Variants in SEMA6D observed in about 807,000 individuals in gnomAD.
The protein encoded by SEMA6D is semaphorin-6D.
A neutral mutation model predicts 106.6 loss-of-function variants in SEMA6D; 35 were observed. The ratio of observed to expected loss-of-function variants is 0.33; its 90% CI spans 0.25 to 0.44. The LOEUF (loss-of-function observed/expected upper bound fraction) is 0.44, where lower values mean the gene tolerates loss of function less well. Among genes scored for constraint, SEMA6D ranks in the 20% least tolerant of loss-of-function variants. The pLI, the probability that SEMA6D is intolerant of heterozygous loss-of-function variation, is 1.00. For synonymous variants in SEMA6D, 499 were observed against 487.7 expected (o/e 1.02, Z -0.31); for missense variants, 1,185 against 1,345.9 (o/e 0.88, Z 1.87).
chr15:47,235,080 C>T (rs1458727520), intron 1 of SEMA6D, among the ~76,000 whole-genome samples: 1 of 151,984 alleles, frequency 6.6e-6, no homozygotes, highest in African/African-American at 2.4e-5. Flanking sequence ...GTTTAAATTG[C>T]ATTTCCCTGA....
At chr15:47,575,852 G>C (rs79210596) in intron 3 of SEMA6D, among the ~76,000 whole-genome samples, 1,645 of 152,226 alleles carry the variant, frequency 0.011, 29 homozygotes, top group African/African-American at 0.038. Flanking sequence ...TTGGATGAGG[G>C]CATGCAACTT....
chr15:47,548,879 C>CT (rs2045601896), intron 3 of SEMA6D, among the ~76,000 whole-genome samples: 1 of 152,046 alleles, frequency 6.6e-6, no homozygotes, highest in South Asian at 2.1e-4. Context: ...TTCTAATGGA[C>CT]TTTCCTGGAA....
chr15:47,384,449 C>T (rs2039748001), intron 1 of SEMA6D, among the ~76,000 whole-genome samples: 1 of 152,178 alleles, frequency 6.6e-6, no homozygotes, highest in East Asian at 1.9e-4. Context: ...AAGGATTTCT[C>T]GGCAAGCTGA....
At chr15:47,308,424 C>T (rs1393642966) in intron 1 of SEMA6D, among the ~76,000 whole-genome samples, 2 of 152,136 alleles carry the variant, frequency 1.3e-5, no homozygotes, top group Non-Finnish European at 2.9e-5. Flanking sequence ...AGGCATTACC[C>T]TTCCTTATCT....
intron 4 of SEMA6D, among the ~76,000 whole-genome samples, chr15:47,689,646 A>G (rs966668799): frequency 3.9e-5 from 6 of 152,198 alleles, no homozygotes; most frequent in Non-Finnish European, 7.3e-5. Flanking sequence ...GACAACCTAA[A>G]GGCTCTAACA....
chr15:47,589,370 G>A (rs2076398617), intron 3 of SEMA6D, among the ~76,000 whole-genome samples: 1 of 152,264 alleles, frequency 6.6e-6, no homozygotes, highest in South Asian at 2.1e-4. Context: ...GGCAGAAACA[G>A]TCTGGCTCCA....
intron 1 of SEMA6D, among the ~76,000 whole-genome samples, chr15:47,271,688 G>GC (rs2034569137): frequency 6.6e-6 from 1 of 151,972 alleles, no homozygotes; most frequent in African/African-American, 2.4e-5. Context: ...TTGTTTTAGA[G>GC]CCCCCCAAAT....
intron 1 of SEMA6D, among the ~76,000 whole-genome samples, chr15:47,189,506 A>T (rs1040962147): frequency 3.9e-5 from 6 of 152,200 alleles, no homozygotes; most frequent in Non-Finnish European, 5.9e-5. Flanking sequence ...TGAGAGAAAA[A>T]AAACCCCAAA....
Position 47,367,680 on chromosome 15 carries a change from G to GCA in SEMA6D, c.-238-44712_-238-44711insAC, listed in dbSNP as rs1567030889. ...TTCCCCTAAACACGCACGCTCACACGCGCGCGCGCGCGCACACACACACAC... is the reference window on the plus strand; with the variant it reads ...TTCCCCTAAACACGCACGCTCACACGCACGCGCGCGCGCGCACACACACACAC... On this transcript the variant is annotated intron_variant, in intron 1 of 19. Coordinates refer to the SEMA6D transcript ENST00000558014. Among the ~76,000 whole-genome samples, 10 of 39,414 alleles carry GCA rather than the reference G, an allele frequency of 2.5e-4. No individual in the cohort carries two copies. The South Asian group carries it at 5.7e-3, about 22-fold the overall frequency. 25.9% of individuals were successfully genotyped at this position (39,414 alleles called of 152,430 possible).
intron 3 of SEMA6D, among the ~76,000 whole-genome samples, chr15:47,599,686 T>C (rs750502082): frequency 6.6e-5 from 10 of 152,090 alleles, no homozygotes; most frequent in Non-Finnish European, 1.3e-4. Context: ...TTCTATTTTC[T>C]TGTATTTTTG....
chr15:47,235,764 A>G (rs1435459582), intron 1 of SEMA6D, among the ~76,000 whole-genome samples: 1 of 151,886 alleles, frequency 6.6e-6, no homozygotes, highest in Admixed American at 6.6e-5. Flanking sequence ...ATACCTCCAG[A>G]TTTGTTCTTT....
intron 4 of SEMA6D, among the ~76,000 whole-genome samples, chr15:47,633,088 T>A (rs1418865994): frequency 6.6e-6 from 1 of 152,106 alleles, no homozygotes; most frequent in African/African-American, 2.4e-5. Flanking sequence ...GTATATTCTC[T>A]ACACATATGG....
chr15:47,552,259 A>C (rs1472777181), intron 3 of SEMA6D, among the ~76,000 whole-genome samples: 1 of 152,230 alleles, frequency 6.6e-6, no homozygotes, highest in South Asian at 2.1e-4. Flanking sequence ...CCACAAAATT[A>C]TATATGCACC....
chr15:47,734,214 C>T (rs1321195873), intron 1 of SEMA6D, among the ~76,000 whole-genome samples: 1 of 152,236 alleles, frequency 6.6e-6, no homozygotes, highest in African/African-American at 2.4e-5. Context: ...ATAGAAGCAT[C>T]TTACTCACTC....
At chr15:47,239,777 G>C (rs970550437) in intron 1 of SEMA6D, among the ~76,000 whole-genome samples, 2 of 152,140 alleles carry the variant, frequency 1.3e-5, no homozygotes, top group Non-Finnish European at 2.9e-5. Flanking sequence ...GGGTTGCTGT[G>C]ATGATTACAG....
At chr15:47,601,468 T>C (rs2076657506) in intron 4 of SEMA6D, among the ~76,000 whole-genome samples, 1 of 152,128 alleles carries the variant, frequency 6.6e-6, no homozygotes, top group Admixed American at 6.5e-5. Context: ...CATTAGAAAA[T>C]CAGAATGCAT....
chr15:47,273,507 G>A (rs957369045), intron 1 of SEMA6D, among the ~76,000 whole-genome samples: 8 of 152,148 alleles, frequency 5.3e-5, no homozygotes, highest in African/African-American at 1.9e-4. Context: ...TGATCAGTTG[G>A]CCTTGAAAAT....
intron 13 of SEMA6D, 33 bp downstream of exon 13, chr15:47,765,089 C>T: frequency 6.2e-7 from 1 of 1,601,188 alleles, no homozygotes; most frequent in Non-Finnish European, 8.5e-7. Context: ...CCCTTCAGCA[C>T]TGCTCAAAAA....
At chr15:47,733,893 A>C (rs1046424663) in intron 1 of SEMA6D, among the ~76,000 whole-genome samples, 16 of 152,146 alleles carry the variant, frequency 1.1e-4, no homozygotes, top group African/African-American at 3.6e-4. Context: ...TTCCTCCCCC[A>C]AAAAAAGTAT....
Sources: allele counts gnomAD v4.1 joint callset (sites outside exome capture counted in the v4.1 genomes callset), GRCh38; gene constraint gnomAD v4.1.1; transcripts MANE v1.5; gene names NCBI Gene and HGNC (gene_info 2026-07-23, HGNC 2026-07-21).